Variants in CKAP5 observed in about 807,000 individuals in gnomAD.
The protein encoded by CKAP5 is cytoskeleton associated protein 5.
A neutral mutation model predicts 232.8 loss-of-function variants in CKAP5; 27 were observed. The observed-to-expected ratio is 0.12, with a 90% CI of 0.09 to 0.16. The LOEUF is 0.16. Among genes scored for constraint, CKAP5 ranks in the 10% least tolerant of loss-of-function variants. The pLI is 1.00. For missense variants in CKAP5, 1,838 were observed against 2,424.7 expected (o/e 0.76, Z 5.08); for synonymous variants, 785 against 841.1 (o/e 0.93, Z 1.16).
chr11:46,749,083 G>A (rs770703973), intron 42 of CKAP5, among the ~76,000 whole-genome samples: 2 of 151,372 alleles, frequency 1.3e-5, no homozygotes, highest in Non-Finnish European at 2.9e-5. Flanking sequence ...GCCCGCCTCA[G>A]CCTCCCAAAG....
intron 16 of CKAP5, among the ~76,000 whole-genome samples, chr11:46,786,579 A>T (rs2065396095): frequency 6.6e-6 from 1 of 152,234 alleles, no homozygotes; most frequent in Non-Finnish European, 1.5e-5. Flanking sequence ...GTAAGTCCAT[A>T]ATACCAGCTG....
rs974854214 is a variant in CKAP5, at chr11:46,747,277, T to C, written c.5705-2700A>G. Among the ~76,000 whole-genome samples the C allele has an allele frequency of 4.6e-5, 7 of 152,100 alleles. 1 individual carries two copies. Among genetic ancestry groups the C allele is most frequent in the Admixed American group, 2.0e-4 (3 of 15,276 alleles). On this transcript the variant is annotated intron_variant, in intron 42 of 43. Transcript: ENST00000529230. ...TAGTATGTTAGAGGTGTAAGTGCTA[T>C]GGTGGGGTGAGGGATAGGTTGCAAG... is the stretch of plus-strand genomic sequence containing the variant.
chr11:46,841,678 G>A (rs1356944964), intron 1 of CKAP5, among the ~76,000 whole-genome samples: 1 of 152,146 alleles, frequency 6.6e-6, no homozygotes, highest in East Asian at 1.9e-4. Context: ...TTCACAGGAT[G>A]CACAAGGAAA....
At chr11:46,753,272 G>A (rs752282517) in intron 37 of CKAP5, 38 bp downstream of exon 37, 5 of 1,505,580 alleles carry the variant, frequency 3.3e-6, no homozygotes, top group Non-Finnish European at 4.5e-6. Context: ...CAAAAGCGAG[G>A]ATGCCCCAGG....
chr11:46,773,064 T>C (rs1234304590), intron 24 of CKAP5, among the ~76,000 whole-genome samples: 1 of 151,884 alleles, frequency 6.6e-6, no homozygotes, highest in Non-Finnish European at 1.5e-5. Flanking sequence ...TTTCATGTTA[T>C]CTGTAGAGGT....
rs764160502 is a variant in CKAP5 at position 46,829,518 on chromosome 11, G to T, written c.-37-8250C>A. On this transcript the variant is annotated intron_variant, in intron 1 of 43. Coordinates refer to ENST00000529230, the MANE Select transcript of CKAP5 (RefSeq NM_001008938.4). ...CCACAACACTCCACCCTGAACGATGGAGCGAGAAAAAATATTTTTCCTCCT... is the reference window on the plus strand; with the variant it reads ...CCACAACACTCCACCCTGAACGATGTAGCGAGAAAAAATATTTTTCCTCCT... Among the ~76,000 whole-genome samples, 40 of 152,090 alleles carry T rather than the reference G, an allele frequency of 2.6e-4. 1 individual carries two copies. The highest frequency in any genetic ancestry group is 6.5e-5 in the Admixed American group (1 of 15,272).
At chr11:46,770,764 A>C in intron 25 of CKAP5, 24 bp downstream of exon 25, 1 of 1,602,802 alleles carries the variant, frequency 6.2e-7, no homozygotes. Flanking sequence ...TTTTAACAGC[A>C]GTAGCAGCAA....
At chr11:46,831,863 T>TC (rs1199262547) in intron 1 of CKAP5, among the ~76,000 whole-genome samples, 2 of 146,566 alleles carry the variant, frequency 1.4e-5, no homozygotes, top group African/African-American at 5.1e-5. Context: ...AACTTATCCT[T>TC]TTTTTTTTTT....
rs1051321027 is a variant in CKAP5 at position 46,744,105 on chromosome 11, C to G, written c.6017G>C (p.Gly2006Ala). Residue 2006 changes from glycine to alanine, a missense_variant, in exon 44 of 44, where the codon GGA (glycine) becomes GCA (alanine). By Grantham distance (60) the Gly-to-Ala change is moderately conservative. Coordinates refer to ENST00000529230, the MANE Select transcript of CKAP5 (RefSeq NM_001008938.4). ...TGTGGAGGAGGAGGAGGTCACAGTT[C>G]CTGAAGAGTGAGTCTGGTTAGAATC... is the stretch of plus-strand genomic sequence containing the variant. Reference protein sequence around the residue: ...DLDSNQTHSSGTVTSSSSTAN... With the variant: ...DLDSNQTHSSATVTSSSSTAN... 1 of 1,613,740 alleles carries G rather than the reference C, an allele frequency of 6.2e-7. No homozygotes were observed. Among genetic ancestry groups the G allele is most frequent in the Non-Finnish European group, 8.5e-7 (1 of 1,179,990 alleles).
chr11:46,843,067 T>G (rs1940099674), intron 1 of CKAP5, among the ~76,000 whole-genome samples: 1 of 151,674 alleles, frequency 6.6e-6, no homozygotes, highest in African/African-American at 2.4e-5. Context: ...GATGATCACT[T>G]GAGCCCAGGA....
chr11:46,778,157 A>G lies in CKAP5; in HGVS notation c.2730T>C (p.Asn910=). Residue 910 remains asparagine, a synonymous_variant, in exon 22 of 44, where the codon AAT becomes AAC. Transcript: ENST00000529230. The part of the protein sequence containing the change: ...ELPTALKGRL[N]DSNKILVQQT... ...TACATACCAAGATTTTATTTGAATC[A>G]TTGAGTCGACCCTTCAAGGCAGTTG... is the stretch of plus-strand genomic sequence containing the variant. 7 of 1,613,780 alleles carry G rather than the reference A, an allele frequency of 4.3e-6. No individual in the cohort carries two copies. The highest frequency in any genetic ancestry group is 5.9e-6 in the Non-Finnish European group (7 of 1,179,906).
At chr11:46,765,945 G>A (rs1384707260) in intron 27 of CKAP5, among the ~76,000 whole-genome samples, 1 of 152,102 alleles carries the variant, frequency 6.6e-6, no homozygotes, top group East Asian at 1.9e-4. Flanking sequence ...ATATTTAAAT[G>A]TATCTCTTAT....
intron 15 of CKAP5, 90 bp downstream of exon 15, chr11:46,789,986 C>A: frequency 1.2e-6 from 1 of 810,596 alleles, no homozygotes; most frequent in Admixed American, 2.1e-5. Flanking sequence ...TTATAAAACA[C>A]AGCAATTAGG....
intron 1 of CKAP5, among the ~76,000 whole-genome samples, chr11:46,825,397 T>C (rs964804961): frequency 6.6e-6 from 1 of 152,226 alleles, no homozygotes; most frequent in Non-Finnish European, 1.5e-5. Context: ...TCTGTCTCTC[T>C]TCCCTACAAC....
chr11:46,767,608 CT>C lies in CKAP5; in HGVS notation c.3377del (p.Lys1126ArgfsTer25). On this transcript the variant is annotated frameshift_variant, in exon 27 of 44. Coordinates refer to ENST00000529230, the MANE Select transcript of CKAP5 (RefSeq NM_001008938.4). LOFTEE classifies it high-confidence loss of function. The part of the protein sequence containing the change: ...SSTEPKPDPK[K>X]AKAPGLSSKA... ...TAGAGGATAATCCTGGAGCTTTGGCCTTTTTTGGATCAGGTTTGGGTTCTGT... is the reference window on the plus strand; with the variant it reads ...TAGAGGATAATCCTGGAGCTTTGGCCTTTTTGGATCAGGTTTGGGTTCTGT... The C allele has an allele frequency of 1.2e-6, 2 of 1,612,512 alleles. No homozygotes were observed. The highest frequency in any genetic ancestry group is 1.1e-5 in the South Asian group (1 of 90,906).
rs1460911878 is a variant in CKAP5 at position 46,767,570 on chromosome 11, C to G, written c.3411+5G>C. On this transcript the variant is annotated splice_donor_5th_base_variant and intron_variant, in intron 27 of 43. Transcript: ENST00000529230. ...TCTACATCGAAGTATACAGAGTTAA[C>G]ATACCTTTGCTTTAGAGGATAATCC... 6.3e-7 allele frequency: 1 copy of G among 1,595,220 alleles called. No homozygotes were observed. Among genetic ancestry groups the G allele is most frequent in the Non-Finnish European group, 8.6e-7 (1 of 1,164,020 alleles).
chr11:46,777,595 A>G, intron 22 of CKAP5, 43 bp from the exon 23 acceptor site: 1 of 1,373,184 alleles, frequency 7.3e-7, no homozygotes, highest in Non-Finnish European at 1.0e-6. Flanking sequence ...ACGATAAGCA[A>G]GTTGTGTGCA....
At chr11:46,824,239 C>A (rs553415977) in intron 1 of CKAP5, among the ~76,000 whole-genome samples, 4 of 152,156 alleles carry the variant, frequency 2.6e-5, no homozygotes, top group African/African-American at 9.7e-5. Flanking sequence ...GTGGAACTTT[C>A]ATTAAGATTT....
rs748262025 is a variant in CKAP5 at position 46,760,689 on chromosome 11, A to G, written c.4317T>C (p.Pro1439=). The G allele has an allele frequency of 2.5e-6, 4 of 1,614,182 alleles. No homozygotes were observed. The change falls in exon 33 of 44, where the codon CCT becomes CCC. Residue 1439 remains proline (P), a synonymous_variant. Coordinates refer to ENST00000529230, the MANE Select transcript of CKAP5 (RefSeq NM_001008938.4). ...AAPIKQVEEK[P]QRAQNISSNA... ...TGGAGCTTATGTTCTGTGCACGCTG[A>G]GGTTTCTCTTCCACCTGTTTTATTG...
Sources: gnomAD v4.1 joint callset for allele counts (sites outside exome capture counted in the v4.1 genomes callset) on GRCh38, gnomAD v4.1.1 for gene constraint, MANE v1.5 for transcripts, NCBI Gene and HGNC (gene_info 2026-07-23, HGNC 2026-07-21) for gene names.